Variants in KIF9 observed in about 807,000 individuals in gnomAD.
The protein encoded by KIF9 is kinesin family member 9, also known as kinesin-like protein KIF9.
Under a neutral mutation model 94.8 loss-of-function variants are expected in KIF9, and 68 were observed. The observed-to-expected ratio is 0.72, with a 90% CI of 0.59 to 0.88. The LOEUF (loss-of-function observed/expected upper bound fraction) is 0.88, where lower values mean the gene tolerates loss of function less well. Ranked by LOEUF, KIF9 falls within the 40% of genes least tolerant of loss-of-function variation. The pLI is 0.00. For missense variants in KIF9, 882 were observed against 982.5 expected, an observed-to-expected ratio of 0.90 and a Z score of 1.37; for synonymous variants, 343 against 362.1, an observed-to-expected ratio of 0.95 and a Z score of 0.60.
chr3:47,233,681 G>A (rs1476587942), intron 20 of KIF9, among the ~76,000 whole-genome samples: 2 of 150,782 alleles, frequency 1.3e-5, no homozygotes, highest in Non-Finnish European at 3.0e-5. Flanking sequence ...GGGCAACAGA[G>A]CACAACACCG....
At chr3:47,228,807 A>G in intron 20 of KIF9, 105 bp from the exon 21 acceptor site, 1 of 876,626 alleles carries the variant, frequency 1.1e-6, no homozygotes, top group Non-Finnish European at 1.9e-6. Context: ...TCCTGCAAAC[A>G]TCATGGGTTG....
Position 47,257,622 on chromosome 3 carries a change from G to A in KIF9, c.982-62C>T, listed in dbSNP as rs573743422. The A allele has an allele frequency of 1.4e-5, 20 of 1,453,480 alleles. 1 individual carries two copies. Among genetic ancestry groups the A allele is most frequent in the Middle Eastern group, 2.1e-4 (1 of 4,794 alleles). 90.0% of individuals were successfully genotyped at this position (1,453,480 alleles called of 1,614,324 possible). On this transcript the variant is annotated intron_variant, in intron 9 of 20. Transcript: ENST00000684063. ...CACTAAAGTGAGACCCCAAGAGACC[G>A]GCCTTCTCAGAGACCTTGCCTGCCC...
chr3:47,242,872 C>A (rs1699669157), intron 16 of KIF9, 179 bp downstream of exon 16: 1 of 493,276 alleles, frequency 2.0e-6, no homozygotes, highest in South Asian at 4.4e-5. Flanking sequence ...TTGGATGACT[C>A]CTGAGGTTGG....
chr3:47,257,148 AAATT>A (rs1470986936), intron 10 of KIF9, among the ~76,000 whole-genome samples: 1 of 152,084 alleles, frequency 6.6e-6, no homozygotes, highest in Non-Finnish European at 1.5e-5. Flanking sequence ...ATAAAAAAAT[AAATT>A]AATTAATTTT....
chr3:47,229,894 C>T (rs548368829), intron 20 of KIF9, among the ~76,000 whole-genome samples: 6 of 152,142 alleles, frequency 3.9e-5, no homozygotes, highest in Admixed American at 1.3e-4. Context: ...CCACCATCCC[C>T]GGCTAGTTTT....
At chr3:47,278,094 C>CA (rs549109188) in intron 1 of KIF9, among the ~76,000 whole-genome samples, 195 of 150,720 alleles carry the variant, frequency 1.3e-3, no homozygotes, top group African/African-American at 4.6e-3. Flanking sequence ...TTTTTTGAGA[C>CA]AGAGTCTCAC....
Position 47,282,593 on chromosome 3 carries a change from G to A in KIF9, c.-104C>T. The A allele has an allele frequency of 2.8e-6, 3 of 1,090,432 alleles. No individual in the cohort carries two copies. The highest frequency in any genetic ancestry group is 3.4e-6 in the Non-Finnish European group (3 of 891,768). 67.5% of individuals were successfully genotyped at this position (1,090,432 alleles called of 1,614,324 possible). A position where few individuals can be genotyped will look rare whatever the true frequency, so the allele number is the denominator to read the frequency against. On this transcript the variant is annotated 5_prime_UTR_variant, in exon 1 of 21. Coordinates refer to ENST00000684063, the MANE Select transcript of KIF9 (RefSeq NM_182902.4). ...GCCTGGCTGTGTACATAGTCGCCAT[G>A]GCAACGGGTCGCTTCCGGGGATTCC...
At position 47,243,130 on chromosome 3, in the gene KIF9, T is replaced by C. The variant is rs1334905786; in HGVS notation, c.1630A>G (p.Met544Val). 6.2e-7 allele frequency: 1 copy of C among 1,614,036 alleles called. No homozygotes were observed. Among genetic ancestry groups the C allele is most frequent in the South Asian group, 1.1e-5 (1 of 91,066 alleles). ...PSSKDGDVKD[M>V]LSRDRETSSI... ...GAAGTTTCCCGGTCCCGCGAAAGCATGTCTTTGACATCCCCATCTTTGGAG... is the reference window on the plus strand; with the variant it reads ...GAAGTTTCCCGGTCCCGCGAAAGCACGTCTTTGACATCCCCATCTTTGGAG... Residue 544 changes from methionine to valine, a missense_variant, in exon 16 of 21, where the codon ATG becomes GTG. Physicochemically the swap from Met to Val is conservative, Grantham distance 21 (BLOSUM62 1). Coordinates refer to ENST00000684063, the MANE Select transcript of KIF9 (RefSeq NM_182902.4).
chr3:47,275,902 C>T (rs1701936580), intron 2 of KIF9, among the ~76,000 whole-genome samples: 1 of 152,186 alleles, frequency 6.6e-6, no homozygotes, highest in African/African-American at 2.4e-5. Context: ...CCTCATTGCT[C>T]TGGTTGCTGG....
chr3:47,258,902 C>T (rs1043111997), intron 9 of KIF9, among the ~76,000 whole-genome samples: 1 of 152,174 alleles, frequency 6.6e-6, no homozygotes, highest in African/African-American at 2.4e-5. Flanking sequence ...GCATTTTACA[C>T]TTGCATTATA....
chr3:47,260,754 G>C (rs1394609353), intron 9 of KIF9, among the ~76,000 whole-genome samples: 1 of 152,248 alleles, frequency 6.6e-6, no homozygotes, highest in Non-Finnish European at 1.5e-5. Context: ...CCAAGTCTGT[G>C]CTCTTCACAG....
At chr3:47,270,796 T>C (rs1437416383) in intron 5 of KIF9, among the ~76,000 whole-genome samples, 2 of 151,444 alleles carry the variant, frequency 1.3e-5, no homozygotes, top group Admixed American at 1.3e-4. Flanking sequence ...TTCAGCACTA[T>C]CTGAACTTGC....
At chr3:47,267,148 C>T in intron 6 of KIF9, 32 bp downstream of exon 6, 1 of 1,602,960 alleles carries the variant, frequency 6.2e-7, no homozygotes, top group Non-Finnish European at 8.5e-7. Flanking sequence ...ATTGACTGCC[C>T]CGCCTGGGCT....
At chr3:47,253,434 G>A (rs1700390411) in intron 10 of KIF9, among the ~76,000 whole-genome samples, 1 of 151,770 alleles carries the variant, frequency 6.6e-6, no homozygotes, top group South Asian at 2.1e-4. Flanking sequence ...GGGATTACAG[G>A]CATGAGCCAC....
At chr3:47,264,037 T>G in intron 9 of KIF9, 1 of 560,148 alleles carries the variant, frequency 1.8e-6, no homozygotes, top group South Asian at 1.6e-5. Context: ...TCAGCCTCCC[T>G]CCTCACACAG....
At chr3:47,241,843 A>AATATAT (rs372935276) in intron 16 of KIF9, among the ~76,000 whole-genome samples, 3 of 125,994 alleles carry the variant, frequency 2.4e-5, no homozygotes, top group Non-Finnish European at 3.3e-5. Context: ...ACATATATAA[A>AATATAT]ATATATATAT....
chr3:47,279,395 T>G (rs1184530069), intron 1 of KIF9, among the ~76,000 whole-genome samples: 1 of 149,392 alleles, frequency 6.7e-6, no homozygotes, highest in Non-Finnish European at 1.5e-5. Context: ...GAGAATTGCT[T>G]GAATCTGGAG....
chr3:47,232,674 T>C (rs1490087135), intron 20 of KIF9, among the ~76,000 whole-genome samples: 1 of 151,742 alleles, frequency 6.6e-6, no homozygotes, highest in African/African-American at 2.4e-5. Context: ...AATAACAAAA[T>C]ACCTACAAAA....
At chr3:47,273,451 G>T in intron 4 of KIF9, 101 bp downstream of exon 4, 1 of 850,140 alleles carries the variant, frequency 1.2e-6, no homozygotes, top group Non-Finnish European at 1.8e-6. Flanking sequence ...CTCCTTTGAG[G>T]CCTGGTCCCC....
Sources: allele counts gnomAD v4.1 joint callset (sites outside exome capture counted in the v4.1 genomes callset), GRCh38; gene constraint gnomAD v4.1.1; transcripts MANE v1.5; gene names NCBI Gene and HGNC (gene_info 2026-07-23, HGNC 2026-07-21).